MYH15: variants seen among roughly 807,000 people sequenced by gnomAD.
MYH15 encodes the protein myosin-15.
In MYH15, 227 loss-of-function variants were observed where a neutral mutation model predicts 240.5. The ratio of observed to expected loss-of-function variants is 0.94; its 90% CI spans 0.85 to 1.05. MYH15 has a LOEUF of 1.05. MYH15 is among the 50% of genes least tolerant of loss of function. The pLI, the probability that MYH15 is intolerant of heterozygous loss-of-function variation, is 0.00. For synonymous variants in MYH15, 785 were observed against 796.7 expected (o/e 0.99, Z 0.25); for missense variants, 2,217 against 2,247.5 (o/e 0.99, Z 0.27).
intron 21 of MYH15, among the ~76,000 whole-genome samples, chr3:108,451,305 G>A (rs886424660): frequency 6.6e-6 from 1 of 152,078 alleles, no homozygotes; most frequent in African/African-American, 2.4e-5. Flanking sequence ...ACTTGAACCA[G>A]GGAGGCAGAG....
exon 1 of MYH15, chr3:108,529,301 A>G (rs754716985): frequency 2.5e-6 from 4 of 1,572,508 alleles, no homozygotes; most frequent in African/African-American, 2.7e-5. Flanking sequence ...TACAATTAAA[A>G]TGATCATATG....
chr3:108,522,730 C>A (rs1173710096), intron 1 of MYH15, among the ~76,000 whole-genome samples: 4 of 151,906 alleles, frequency 2.6e-5, no homozygotes, highest in Non-Finnish European at 5.9e-5. Flanking sequence ...TGTTTTATAG[C>A]GTTTACTATA....
In MYH15 at chr3:108,437,639, T is replaced by G. The variant is rs367685351; in HGVS notation, c.3136A>C (p.Lys1046Gln). Reference protein sequence around the residue: ...ARMNCERELHKLEGNLKLNRE... With the variant: ...ARMNCERELHQLEGNLKLNRE... ...TTCAGCTTTAAATTGCCCTCCAGTT[T>G]GTGCAGTTCCCTTTCACAGTTCATT... Residue 1046 changes from lysine to glutamine, a missense_variant, in exon 25 of 41, where the codon AAA becomes CAA. Transcript: ENST00000693548. 18 of 1,614,034 alleles carry G rather than the reference T, an allele frequency of 1.1e-5. No homozygotes were observed. The African/African-American group carries it at 1.6e-4, about 14-fold the overall frequency.
Position 108,493,132 on chromosome 3 carries a change from A to G in MYH15, c.757T>C (p.Ser253Pro), listed in dbSNP as rs1438960893. ...TACTTACAGATATCAATGTCCACAGATGACAGCATGCCTCTGGCACCAAAG... is the reference window on the plus strand; with the variant it reads ...TACTTACAGATATCAATGTCCACAGGTGACAGCATGCCTCTGGCACCAAAG... Reference protein sequence around the residue: ...MHFGARGMLSSVDIDIYLLEK... With the variant: ...MHFGARGMLSPVDIDIYLLEK... Residue 253 changes from serine to proline, a missense_variant, in exon 8 of 41, where the codon TCT becomes CCT. By Grantham distance (74) the Ser-to-Pro change is moderately conservative. Transcript: ENST00000693548. 10 of 1,614,184 alleles carry G rather than the reference A, an allele frequency of 6.2e-6. No homozygotes were observed. The highest frequency in any genetic ancestry group is 8.5e-6 in the Non-Finnish European group (10 of 1,180,012).
At chr3:108,410,975 C>T in intron 30 of MYH15, 43 bp from the exon 31 acceptor site, 1 of 1,485,892 alleles carries the variant, frequency 6.7e-7, no homozygotes, top group Non-Finnish European at 9.2e-7. Flanking sequence ...GGCAATAACT[C>T]TCAGAGAGCT....
chr3:108,517,505 G>A (rs2083583209), intron 1 of MYH15, among the ~76,000 whole-genome samples: 1 of 152,052 alleles, frequency 6.6e-6, no homozygotes, highest in African/African-American at 2.4e-5. Flanking sequence ...GCTAATTTTT[G>A]TATTTTTAGT....
Position 108,391,932 on chromosome 3 carries a change from TAGGGGGTTAAAAAAAGGGACTGAGCTA to T in MYH15, c.5260-29_5260-3del. 1 of 1,613,162 alleles carries T rather than the reference TAGGGGGTTAAAAAAAGGGACTGAGCTA, an allele frequency of 6.2e-7. No individual in the cohort carries two copies. The highest frequency in any genetic ancestry group is 8.5e-7 in the Non-Finnish European group (1 of 1,179,650). ...CAGTTCTTCTGACAAGTTTGCTGCC[TAGGGGGTTAAAAAAAGGGACTGAGCTA>T]GTTCAGCAGTCAATTGATCTTAACA... is the stretch of plus-strand genomic sequence containing the variant. On this transcript the variant is annotated splice_polypyrimidine_tract_variant and splice_region_variant and intron_variant, in intron 36 of 40. Transcript: ENST00000693548.
At position 108,498,146 on chromosome 3, in the gene MYH15, CTG is replaced by C. The variant is rs776660141; in HGVS notation, c.525-3_525-2del. The C allele has an allele frequency of 1.9e-6, 3 of 1,613,730 alleles. No homozygotes were observed. The highest frequency in any genetic ancestry group is 2.2e-5 in the South Asian group (2 of 91,030). On this transcript the variant is annotated splice_acceptor_variant and splice_polypyrimidine_tract_variant and intron_variant, in intron 5 of 40. Coordinates refer to ENST00000693548, the MANE Select transcript of MYH15 (RefSeq NM_014981.3). LOFTEE classifies it high-confidence loss of function. ...AGTCTTTCCAGCACCAGATTCTCCT[CTG>C]TGATTTGAAATTCAGTGATACAGTT...
At chr3:108,500,059 A>C in intron 4 of MYH15, 59 bp downstream of exon 4, 19 of 1,546,746 alleles carry the variant, frequency 1.2e-5, no homozygotes, top group Non-Finnish European at 1.5e-5. Flanking sequence ...CCTCTTAGGG[A>C]CATAGAGAAA....
At chr3:108,388,902 G>T (rs2082402463) in intron 38 of MYH15, 68 bp downstream of exon 38, 3 of 1,396,800 alleles carry the variant, frequency 2.1e-6, no homozygotes, top group Non-Finnish European at 3.0e-6. Context: ...GCCATTTCAG[G>T]CTTGAAGGAG....
intron 13 of MYH15, 33 bp from the exon 14 acceptor site, chr3:108,470,245 TA>T: frequency 6.8e-7 from 1 of 1,475,070 alleles, no homozygotes. Flanking sequence ...GAAGAAGAGA[TA>T]AAAATAAAAT....
In MYH15 at chr3:108,402,961, G is replaced by T. The variant is rs115368531; in HGVS notation, c.4736+2377C>A. Among the ~76,000 whole-genome samples, 1,252 of 152,234 alleles carry T rather than the reference G, an allele frequency of 8.2e-3. 20 individuals carry two copies. The highest frequency in any genetic ancestry group is 0.029 in the African/African-American group (1,185 of 41,524). ...TCTTCTTCTCCTTCCATCAGTGACT[G>T]CACCGTCACCTCCCTACCTCTACCT... is the stretch of plus-strand genomic sequence containing the variant. On this transcript the variant is annotated intron_variant, in intron 33 of 40. Coordinates refer to ENST00000693548, the MANE Select transcript of MYH15 (RefSeq NM_014981.3).
intron 11 of MYH15, among the ~76,000 whole-genome samples, chr3:108,483,936 G>A (rs2083286931): frequency 6.6e-6 from 1 of 152,168 alleles, no homozygotes. Flanking sequence ...ATAATGGGGA[G>A]TTTTGGTTTA....
intron 25 of MYH15, among the ~76,000 whole-genome samples, chr3:108,431,276 T>C (rs762190409): frequency 1.3e-5 from 2 of 152,254 alleles, no homozygotes; most frequent in African/African-American, 2.4e-5. Flanking sequence ...TTGGCTATGA[T>C]ACCTGATAAG....
Position 108,410,603 on chromosome 3 carries a change from C to T in MYH15, c.4475G>A (p.Arg1492Lys). Residue 1492 changes from arginine to lysine, a missense_variant, in exon 31 of 41, where the codon AGG becomes AAG. Arg to Lys is a conservative substitution (Grantham distance 26, BLOSUM62 2). Coordinates refer to ENST00000693548, the MANE Select transcript of MYH15 (RefSeq NM_014981.3). Reference sequence around the variant, plus strand: ...TGTACCTTGGAGGTTCTTGTTCTCCCTCCTGAGTGTCTCCTGGCCCACGAT... The same window carrying T: ...TGTACCTTGGAGGTTCTTGTTCTCCTTCCTGAGTGTCTCCTGGCCCACGAT... ...ESIVGQETLRRENKNLQEEIS... is the reference protein window; with the variant it reads ...ESIVGQETLRKENKNLQEEIS... The T allele has an allele frequency of 6.3e-7, 1 of 1,597,282 alleles. No homozygotes were observed. The highest frequency in any genetic ancestry group is 8.6e-7 in the Non-Finnish European group (1 of 1,166,698).
chr3:108,398,399 G>A (rs1420853442), intron 35 of MYH15, among the ~76,000 whole-genome samples: 1 of 152,202 alleles, frequency 6.6e-6, no homozygotes, highest in African/African-American at 2.4e-5. Flanking sequence ...CCAACCTCCA[G>A]GAATGCGAGA....
At chr3:108,403,131 A>T (rs34051968) in intron 33 of MYH15, among the ~76,000 whole-genome samples, 6 of 152,118 alleles carry the variant, frequency 3.9e-5, no homozygotes, top group Admixed American at 2.0e-4. Context: ...CAAGTGAAAC[A>T]TATCACATAC....
intron 1 of MYH15, among the ~76,000 whole-genome samples, chr3:108,527,166 T>C (rs1261372196): frequency 6.6e-6 from 1 of 152,148 alleles, no homozygotes; most frequent in Non-Finnish European, 1.5e-5. Context: ...TCCCTGTTGA[T>C]GCTACTTGTC....
At chr3:108,441,970 G>A (rs2082888268) in intron 22 of MYH15, among the ~76,000 whole-genome samples, 1 of 152,180 alleles carries the variant, frequency 6.6e-6, no homozygotes, top group Non-Finnish European at 1.5e-5. Flanking sequence ...TATGGGTCAA[G>A]TAAAAAGCAA....
Sources: gnomAD v4.1 joint callset for allele counts (sites outside exome capture counted in the v4.1 genomes callset) on GRCh38, gnomAD v4.1.1 for gene constraint, MANE v1.5 for transcripts, NCBI Gene and HGNC (gene_info 2026-07-23, HGNC 2026-07-21) for gene names.